SLC25A17: variants seen among roughly 807,000 people sequenced by gnomAD.
The protein encoded by SLC25A17 is peroxisomal membrane protein PMP34.
A neutral mutation model predicts 38.5 loss-of-function variants in SLC25A17; 26 were observed. The observed-to-expected ratio is 0.68, with a 90% CI of 0.50 to 0.94. The LOEUF (loss-of-function observed/expected upper bound fraction) is 0.94, where lower values mean the gene tolerates loss of function less well. Ranked by LOEUF, SLC25A17 falls within the 40% of genes least tolerant of loss-of-function variation. The probability of loss-of-function intolerance (pLI) is 0.00; values close to 1 mark genes in which losing one functional copy is unlikely to be tolerated. For synonymous variants in SLC25A17, 139 were observed against 136.2 expected, an observed-to-expected ratio of 1.02 and a Z score of -0.14; for missense variants, 333 against 372.7, an observed-to-expected ratio of 0.89 and a Z score of 0.88.
At chr22:40,790,235 G>A (rs1283985394) in intron 4 of SLC25A17, among the ~76,000 whole-genome samples, 3 of 150,908 alleles carry the variant, frequency 2.0e-5, no homozygotes, top group Non-Finnish European at 4.4e-5. Context: ...CAGCTACTCA[G>A]GTGGCTGAGG....
At chr22:40,805,820 A>C (rs2057525160) in intron 1 of SLC25A17, among the ~76,000 whole-genome samples, 1 of 152,248 alleles carries the variant, frequency 6.6e-6, no homozygotes. Context: ...GAACTACAGA[A>C]AATAAATTTG....
intron 1 of SLC25A17, among the ~76,000 whole-genome samples, chr22:40,814,956 A>T (rs184521795): frequency 6.6e-6 from 1 of 151,746 alleles, no homozygotes; most frequent in Non-Finnish European, 1.5e-5. Flanking sequence ...AGTAGCTGGG[A>T]CTACAGGCGC....
intron 7 of SLC25A17, among the ~76,000 whole-genome samples, chr22:40,775,848 A>G (rs1299862979): frequency 6.6e-6 from 1 of 152,144 alleles, no homozygotes; most frequent in Non-Finnish European, 1.5e-5. Context: ...TTCCCCTTCC[A>G]CCATGATTGT....
At chr22:40,817,601 C>T (rs941898634) in intron 1 of SLC25A17, among the ~76,000 whole-genome samples, 2 of 152,126 alleles carry the variant, frequency 1.3e-5, no homozygotes, top group African/African-American at 4.8e-5. Context: ...GTCAACCAAC[C>T]CTCATTTTAT....
At chr22:40,795,550 A>G (rs949240382) in intron 2 of SLC25A17, among the ~76,000 whole-genome samples, 2 of 152,266 alleles carry the variant, frequency 1.3e-5, no homozygotes, top group East Asian at 1.9e-4. Flanking sequence ...TTGGCCTCCC[A>G]AAGTGCTGGG....
intron 4 of SLC25A17, among the ~76,000 whole-genome samples, chr22:40,781,249 CTTT>C (rs374161295): frequency 7.0e-6 from 1 of 143,622 alleles, no homozygotes; most frequent in Admixed American, 7.0e-5. Flanking sequence ...TAAAAGGATT[CTTT>C]TTTTTTTTTT....
At position 40,769,631 on chromosome 22, in the gene SLC25A17, A is replaced by G. The variant is rs2057161798; in HGVS notation, c.*1203T>C. 1 of 152,106 alleles carries G rather than the reference A, an allele frequency of 6.6e-6. No individual in the cohort carries two copies. Among genetic ancestry groups the G allele is most frequent in the South Asian group, 2.1e-4 (1 of 4,820 alleles). 9.4% of individuals were successfully genotyped at this position (152,106 alleles called of 1,614,324 possible). On this transcript the variant is annotated 3_prime_UTR_variant, in exon 9 of 9. Coordinates refer to ENST00000435456, the MANE Select transcript of SLC25A17 (RefSeq NM_006358.4). ...GCAAAAGATGACATACGACTCCTAG[A>G]TTTTTCAGAGGTTGTTTTAATACAT...
intron 7 of SLC25A17, 72 bp downstream of exon 7, chr22:40,776,968 T>G: frequency 8.0e-7 from 1 of 1,255,522 alleles, no homozygotes; most frequent in Non-Finnish European, 1.2e-6. Flanking sequence ...TTTATTAACA[T>G]TGTTTTAAAT....
At chr22:40,814,754 AAT>A (rs10527651) in intron 1 of SLC25A17, among the ~76,000 whole-genome samples, 13,316 of 133,736 alleles carry the variant, frequency 0.1, 904 homozygotes, top group East Asian at 0.41. Context: ...GTACGTGCAG[AAT>A]ATATATATAT....
intron 4 of SLC25A17, among the ~76,000 whole-genome samples, chr22:40,790,201 C>T (rs2057373165): frequency 6.6e-6 from 1 of 151,390 alleles, no homozygotes; most frequent in Non-Finnish European, 1.5e-5. Context: ...ATTAGCTGGG[C>T]ATGGTGGTGG....
At chr22:40,798,685 A>AG (rs2057452572) in intron 2 of SLC25A17, among the ~76,000 whole-genome samples, 1 of 144,458 alleles carries the variant, frequency 6.9e-6, no homozygotes, top group Non-Finnish European at 1.5e-5. Flanking sequence ...AAAAAAAAAG[A>AG]GGCTGGGTAT....
chr22:40,811,179 T>A (rs188659084), intron 1 of SLC25A17, among the ~76,000 whole-genome samples: 1 of 152,214 alleles, frequency 6.6e-6, no homozygotes, highest in East Asian at 1.9e-4. Context: ...TCTCCATCCT[T>A]CTAATAGTTA....
At position 40,797,216 on chromosome 22, in the gene SLC25A17, T is replaced by C. The variant is rs556040110; in HGVS notation, c.115+1807A>G. The C allele has an allele frequency of 4.3e-5, 32 of 741,534 alleles. 1 individual carries two copies. Among genetic ancestry groups the C allele is most frequent in the South Asian group, 4.3e-4 (30 of 69,690 alleles). 45.9% of individuals were successfully genotyped at this position (741,534 alleles called of 1,614,324 possible). On this transcript the variant is annotated intron_variant, in intron 2 of 8. Transcript: ENST00000435456. ...TGTAAAATTATTTATCCAAAAACTATAAAATTACCCAAAAATAGTAGGCAT... is the reference window on the plus strand; with the variant it reads ...TGTAAAATTATTTATCCAAAAACTACAAAATTACCCAAAAATAGTAGGCAT...
rs140204846 is a variant in SLC25A17, at chr22:40,778,975, C to T, written c.451+34G>A. The T allele has an allele frequency of 4.5e-6, 7 of 1,559,416 alleles. No individual in the cohort carries two copies. The African/African-American group carries it at 9.5e-5, about 21-fold the overall frequency. On this transcript the variant is annotated intron_variant, in intron 5 of 8. Transcript: ENST00000435456. ...TTCCAGATACAAAGAAGGAAGAAAACCCTTAAATAGGAATTCAGCAAAGAG... is the reference window on the plus strand; with the variant it reads ...TTCCAGATACAAAGAAGGAAGAAAATCCTTAAATAGGAATTCAGCAAAGAG...
chr22:40,802,240 A>G lies in SLC25A17; in HGVS notation c.55-3157T>C, dbSNP rs532931168. Among the ~76,000 whole-genome samples, 78 of 152,352 alleles carry G rather than the reference A, an allele frequency of 5.1e-4. 1 individual carries two copies. The South Asian group carries it at 0.015, about 29-fold the overall frequency. On this transcript the variant is annotated intron_variant, in intron 1 of 8. Coordinates refer to ENST00000435456, the MANE Select transcript of SLC25A17 (RefSeq NM_006358.4). ...TAGACACGTGAAGGTTCCTAAACAT[A>G]GAAGTCCTTGCCTACCTATCTGGAT...
chr22:40,788,767 T>A, intron 4 of SLC25A17: 2 of 245,806 alleles, frequency 8.1e-6, no homozygotes, highest in Non-Finnish European at 1.7e-5. Flanking sequence ...ATAAATAATA[T>A]GATTTTTCAT....
At chr22:40,813,143 T>G (rs1602631598) in intron 1 of SLC25A17, among the ~76,000 whole-genome samples, 1 of 152,188 alleles carries the variant, frequency 6.6e-6, no homozygotes, top group Non-Finnish European at 1.5e-5. Context: ...CCAAGTATAG[T>G]ATATATTACA....
chr22:40,782,258 G>A (rs971941400), intron 4 of SLC25A17, among the ~76,000 whole-genome samples: 2 of 149,420 alleles, frequency 1.3e-5, no homozygotes, highest in Non-Finnish European at 3.0e-5. Flanking sequence ...CAACTCTTCC[G>A]CCAGTTCCAA....
At chr22:40,788,340 A>G (rs1004535611) in intron 4 of SLC25A17, among the ~76,000 whole-genome samples, 1 of 152,208 alleles carries the variant, frequency 6.6e-6, no homozygotes, top group Non-Finnish European at 1.5e-5. Context: ...GTTTAAACTA[A>G]TTCACAGCTG....
Sources: allele counts gnomAD v4.1 joint callset (sites outside exome capture counted in the v4.1 genomes callset), GRCh38; gene constraint gnomAD v4.1.1; transcripts MANE v1.5; gene names NCBI Gene and HGNC (gene_info 2026-07-23, HGNC 2026-07-21).